CELF4: variants seen among roughly 807,000 people sequenced by gnomAD.
CELF4 encodes CUG-BP- and ETR-3-like factor 4.
Under a neutral mutation model 59.9 loss-of-function variants are expected in CELF4, and 18 were observed. The ratio of observed to expected loss-of-function variants is 0.30; its 90% CI spans 0.21 to 0.45. The LOEUF is 0.45. Among genes scored for constraint, CELF4 ranks in the 20% least tolerant of loss-of-function variants. The pLI is 1.00. For missense variants in CELF4, 456 were observed against 689.0 expected, an observed-to-expected ratio of 0.66 and a Z score of 3.79; for synonymous variants, 261 against 267.1, an observed-to-expected ratio of 0.98 and a Z score of 0.22.
At chr18:37,256,260 G>A (rs1353170341) in intron 11 of CELF4, among the ~76,000 whole-genome samples, 2 of 152,170 alleles carry the variant, frequency 1.3e-5, no homozygotes, top group Non-Finnish European at 2.9e-5. Context: ...TCCAACATAG[G>A]AACATTTGTG....
At position 37,424,080 on chromosome 18, in the gene CELF4, G is replaced by T. The variant is rs557162061; in HGVS notation, c.369+61445C>A. On this transcript the variant is annotated intron_variant, in intron 2 of 12. Transcript: ENST00000420428. ...AATGATCTATCAGGTTGGTGCAAAA[G>T]AAATTGTGTTTTTTGCCGTTGAAAA... 7.2e-5 allele frequency among the ~76,000 whole-genome samples: 11 copies of T among 152,078 alleles called. 1 individual carries two copies. In the South Asian group the frequency reaches 2.3e-3, roughly 32 times the overall value.
At chr18:37,314,229 T>C (rs1414697780) in intron 3 of CELF4, among the ~76,000 whole-genome samples, 1 of 152,114 alleles carries the variant, frequency 6.6e-6, no homozygotes, top group Non-Finnish European at 1.5e-5. Flanking sequence ...GGTGGATCAT[T>C]TGAGGTTAGG....
intron 2 of CELF4, among the ~76,000 whole-genome samples, chr18:37,405,573 T>G (rs1194476730): frequency 6.6e-6 from 1 of 152,272 alleles, no homozygotes; most frequent in Non-Finnish European, 1.5e-5. Context: ...CCCATCTTTG[T>G]GTTCCAAAAT....
chr18:37,331,207 C>A (rs916913331), intron 2 of CELF4, among the ~76,000 whole-genome samples: 1 of 152,178 alleles, frequency 6.6e-6, no homozygotes, highest in Non-Finnish European at 1.5e-5. Context: ...TTGAACAAAG[C>A]ACTTGAGGTT....
chr18:37,332,282 C>G (rs2154534769), intron 2 of CELF4, among the ~76,000 whole-genome samples: 1 of 152,306 alleles, frequency 6.6e-6, no homozygotes, highest in South Asian at 2.1e-4. Context: ...TGCAAAGAGT[C>G]TGCAGGATGT....
intron 2 of CELF4, among the ~76,000 whole-genome samples, chr18:37,374,696 G>A (rs987935416): frequency 3.3e-5 from 5 of 152,156 alleles, no homozygotes; most frequent in African/African-American, 4.8e-5. Context: ...GAAGACCATC[G>A]TGTCCCTTCT....
intron 2 of CELF4, among the ~76,000 whole-genome samples, chr18:37,410,490 C>T (rs1049819294): frequency 1.3e-5 from 2 of 152,236 alleles, no homozygotes; most frequent in South Asian, 2.1e-4. Flanking sequence ...CTGGCAAACC[C>T]GACGATAGGG....
intron 1 of CELF4, among the ~76,000 whole-genome samples, chr18:37,562,713 T>A (rs763829426): frequency 4.6e-5 from 7 of 152,214 alleles, no homozygotes; most frequent in African/African-American, 9.7e-5. Flanking sequence ...GATTAGCTAA[T>A]AAATCAGGCT....
At chr18:37,269,840 T>C (rs1255967159) in intron 8 of CELF4, among the ~76,000 whole-genome samples, 1 of 152,208 alleles carries the variant, frequency 6.6e-6, no homozygotes, top group Non-Finnish European at 1.5e-5. Flanking sequence ...TTAGATTGTG[T>C]TCCCAATGGA....
chr18:37,455,522 C>G (rs1231912989), intron 2 of CELF4, among the ~76,000 whole-genome samples: 1 of 152,200 alleles, frequency 6.6e-6, no homozygotes, highest in Non-Finnish European at 1.5e-5. Flanking sequence ...CAATGAGAAG[C>G]CCCTCTCTTT....
At chr18:37,265,976 C>T (rs1366779017) in intron 9 of CELF4, among the ~76,000 whole-genome samples, 1 of 152,150 alleles carries the variant, frequency 6.6e-6, no homozygotes, top group Non-Finnish European at 1.5e-5. Context: ...ACCCCAGGCC[C>T]TCTGCTCACT....
intron 3 of CELF4, among the ~76,000 whole-genome samples, chr18:37,294,615 T>C (rs6507195): frequency 0.48 from 72,967 of 152,098 alleles, 17,914 homozygotes; most frequent in South Asian, 0.62. Flanking sequence ...GCCAAAATTG[T>C]CTTCAAGATC....
chr18:37,291,641 G>A (rs1398288567), intron 3 of CELF4, among the ~76,000 whole-genome samples: 1 of 152,132 alleles, frequency 6.6e-6, no homozygotes, highest in Admixed American at 6.5e-5. Flanking sequence ...ATGAGGCCAC[G>A]GGTTTTTAGA....
At chr18:37,426,670 C>A (rs956805105) in intron 2 of CELF4, among the ~76,000 whole-genome samples, 1 of 149,286 alleles carries the variant, frequency 6.7e-6, no homozygotes, top group Non-Finnish European at 1.5e-5. Context: ...GGGTGCGGTG[C>A]GGGAGGGCTG....
chr18:37,404,577 TG>T (rs1001571107), intron 2 of CELF4, among the ~76,000 whole-genome samples: 6 of 152,272 alleles, frequency 3.9e-5, no homozygotes, highest in African/African-American at 1.4e-4. Flanking sequence ...GGGCTGTGCC[TG>T]GGCCTGGACA....
chr18:37,521,408 C>T (rs1363425936), intron 1 of CELF4, among the ~76,000 whole-genome samples: 1 of 152,118 alleles, frequency 6.6e-6, no homozygotes, highest in Non-Finnish European at 1.5e-5. Flanking sequence ...GGATGGATTA[C>T]ATTAATTTTC....
intron 2 of CELF4, among the ~76,000 whole-genome samples, chr18:37,342,214 G>A (rs1236295669): frequency 6.8e-6 from 1 of 146,822 alleles, no homozygotes; most frequent in Non-Finnish European, 1.5e-5. Context: ...ATTCAGATTG[G>A]GGAAAGATAA....
chr18:37,362,356 G>A (rs1603628172), intron 2 of CELF4, among the ~76,000 whole-genome samples: 3 of 152,306 alleles, frequency 2.0e-5, no homozygotes, highest in Admixed American at 1.3e-4. Flanking sequence ...ACTCCCCGGC[G>A]GCAGCCGAAG....
At chr18:37,322,059 G>A (rs2097142717) in intron 2 of CELF4, among the ~76,000 whole-genome samples, 178 bp from the exon 3 acceptor site, 1 of 152,204 alleles carries the variant, frequency 6.6e-6, no homozygotes, top group African/African-American at 2.4e-5. Flanking sequence ...GTCTCCCCTC[G>A]ACGGCACGGC....
Sources: allele counts gnomAD v4.1 joint callset (sites outside exome capture counted in the v4.1 genomes callset), GRCh38; gene constraint gnomAD v4.1.1; transcripts MANE v1.5; gene names NCBI Gene and HGNC (gene_info 2026-07-23, HGNC 2026-07-21).